The following USH2A variants were observed in gnomAD, a reference collection of about 807,000 sequenced individuals.
USH2A encodes Usher syndrome 2A (autosomal recessive, mild).
In USH2A, 443 loss-of-function variants were observed where a neutral mutation model predicts 538.9. That is an observed-to-expected ratio of 0.82 (90% CI 0.76 to 0.89). The LOEUF (loss-of-function observed/expected upper bound fraction) is 0.89. USH2A is among the 40% of genes least tolerant of loss of function. USH2A has a pLI of 0.00. For synonymous variants in USH2A, 2,413 were observed against 2,273.5 expected, an observed-to-expected ratio of 1.06 and a Z score of -1.75; for missense variants, 6,633 against 6,324.8, an observed-to-expected ratio of 1.05 and a Z score of -1.65.
rs778158900 is a variant in USH2A, at chr1:215,779,930, C to T, written c.10852G>A (p.Gly3618Ser). ...CTGATCTGGTACTCTTTAATGACGC[C>T]GTTTGATTTCTCAGGGACACTCCAG... The part of the protein sequence containing the change: ...LSWSVPEKSN[G>S]VIKEYQIRQV... The change falls in exon 55 of 72, where the codon GGC (glycine) becomes AGC (serine). Residue 3618 changes from glycine (G) to serine (S), a missense_variant. Transcript: ENST00000307340. 8.1e-6 allele frequency: 13 copies of T among 1,613,932 alleles called. No homozygotes were observed. Among genetic ancestry groups the T allele is most frequent in the East Asian group, 4.5e-5 (2 of 44,876 alleles).
chr1:215,698,907 G>A (rs918932535), intron 61 of USH2A, among the ~76,000 whole-genome samples: 1 of 152,166 alleles, frequency 6.6e-6, no homozygotes, highest in African/African-American at 2.4e-5. Flanking sequence ...CCATGCCTAT[G>A]TCCTGAATGG....
At chr1:216,008,657 C>T (rs1571884197) in intron 32 of USH2A, among the ~76,000 whole-genome samples, 1 of 152,150 alleles carries the variant, frequency 6.6e-6, no homozygotes, top group Non-Finnish European at 1.5e-5. Flanking sequence ...ACCTCAGGTC[C>T]TCAGACCCAC....
rs536584679 is a variant in USH2A at position 216,106,183 on chromosome 1, T to C, written c.4628-8970A>G. Among the ~76,000 whole-genome samples the C allele has an allele frequency of 8.1e-5, 12 of 147,556 alleles. No homozygotes were observed. The South Asian group carries it at 2.5e-3, about 31-fold the overall frequency. ...TTTTATATATTTATATATATAAATA[T>C]ATAAGTATATTAAGTATGTATAAGT... On this transcript the variant is annotated intron_variant, in intron 21 of 71. Coordinates refer to ENST00000307340, the MANE Select transcript of USH2A (RefSeq NM_206933.4).
chr1:215,912,499 A>G (rs995926717), intron 38 of USH2A, among the ~76,000 whole-genome samples: 23 of 43,248 alleles, frequency 5.3e-4, no homozygotes, highest in African/African-American at 2.1e-3. Context: ...ATGTGTATAT[A>G]TATATATATA....
chr1:215,879,172 A>G, intron 41 of USH2A, 74 bp from the exon 42 acceptor site: 1 of 1,367,734 alleles, frequency 7.3e-7, no homozygotes, highest in East Asian at 2.3e-5. Context: ...GAGGCCTAGA[A>G]TTTTGCTCTT....
intron 32 of USH2A, among the ~76,000 whole-genome samples, chr1:216,020,504 T>G (rs1571894849): frequency 6.6e-6 from 1 of 152,154 alleles, no homozygotes; most frequent in Non-Finnish European, 1.5e-5. Flanking sequence ...AGATATTTGG[T>G]CTTTGTACCA....
At chr1:215,627,407 TC>T (rs1656072921) in intron 71 of USH2A, among the ~76,000 whole-genome samples, 2 of 100,938 alleles carry the variant, frequency 2.0e-5, no homozygotes, top group African/African-American at 3.8e-5. Context: ...CTTCCTTCCT[TC>T]CTTCCTTCCT....
intron 58 of USH2A, among the ~76,000 whole-genome samples, chr1:215,753,388 A>C (rs1350659169): frequency 6.6e-6 from 1 of 152,192 alleles, no homozygotes; most frequent in African/African-American, 2.4e-5. Context: ...ACTATTCACA[A>C]TAGCAAAGAC....
At chr1:215,814,342 A>G (rs1002229383) in intron 48 of USH2A, among the ~76,000 whole-genome samples, 1 of 148,390 alleles carries the variant, frequency 6.7e-6, no homozygotes, top group Admixed American at 6.7e-5. Context: ...TTAAATATAT[A>G]CATTTTTTAT....
chr1:216,318,894 AG>A (rs2037556007), intron 9 of USH2A, among the ~76,000 whole-genome samples: 1 of 152,160 alleles, frequency 6.6e-6, no homozygotes, highest in South Asian at 2.1e-4. Context: ...TCTATTTTTA[AG>A]GGGAAGCATG....
At chr1:216,347,964 T>A (rs1331464355) in intron 4 of USH2A, among the ~76,000 whole-genome samples, 1 of 152,140 alleles carries the variant, frequency 6.6e-6, no homozygotes, top group Non-Finnish European at 1.5e-5. Flanking sequence ...AAGAGTTAAC[T>A]GCATGGGCTG....
intron 9 of USH2A, among the ~76,000 whole-genome samples, chr1:216,320,769 CT>C (rs1452848457): frequency 6.6e-6 from 1 of 152,042 alleles, no homozygotes; most frequent in African/African-American, 2.4e-5. Flanking sequence ...TTTTATCAGA[CT>C]GTTATATTTT....
intron 61 of USH2A, among the ~76,000 whole-genome samples, chr1:215,713,243 A>G (rs1659389749): frequency 6.6e-6 from 1 of 152,036 alleles, no homozygotes; most frequent in African/African-American, 2.4e-5. Context: ...ACTCACCACT[A>G]TTTACTGAGT....
chr1:215,697,680 C>T (rs1162812989), intron 61 of USH2A, among the ~76,000 whole-genome samples: 2 of 152,090 alleles, frequency 1.3e-5, no homozygotes, highest in South Asian at 2.1e-4. Context: ...TGCCATTACA[C>T]CCAGCTAATT....
intron 4 of USH2A, among the ~76,000 whole-genome samples, chr1:216,345,049 C>T (rs1453768140): frequency 6.6e-6 from 1 of 151,894 alleles, no homozygotes; most frequent in African/African-American, 2.4e-5. Flanking sequence ...AAGATCCCTT[C>T]ATGACAGATC....
chr1:215,675,577 C>T lies in USH2A; in HGVS notation c.12334G>A (p.Gly4112Ser), dbSNP rs147496855. 31 of 1,613,976 alleles carry T rather than the reference C, an allele frequency of 1.9e-5. No individual in the cohort carries two copies. Among genetic ancestry groups the T allele is most frequent in the Non-Finnish European group, 2.5e-5 (30 of 1,180,028 alleles). Residue 4112 changes from glycine to serine, a missense_variant, in exon 63 of 72, where the codon GGT becomes AGT. By Grantham distance (56) the Gly-to-Ser change is moderately conservative (BLOSUM62 0). Coordinates refer to ENST00000307340, the MANE Select transcript of USH2A (RefSeq NM_206933.4). ...IFSDGFLEYSGLNRQFLFRRL... is the reference protein window; with the variant it reads ...IFSDGFLEYSSLNRQFLFRRL... The stretch of plus-strand genomic sequence containing the variant: ...CGGAAGAGAAACTGACGATTCAAAC[C>T]AGAGTACTCCAGGAACCCGTCACTG...
At chr1:215,832,220 A>C (rs918151989) in intron 47 of USH2A, among the ~76,000 whole-genome samples, 2 of 151,890 alleles carry the variant, frequency 1.3e-5, no homozygotes, top group African/African-American at 4.8e-5. Context: ...TTTAAGAAAT[A>C]ATAACACTTT....
chr1:216,135,356 C>G (rs1458919125), intron 21 of USH2A, among the ~76,000 whole-genome samples: 2 of 151,606 alleles, frequency 1.3e-5, no homozygotes, highest in African/African-American at 4.8e-5. Context: ...CAGATACAAG[C>G]TATTATATAA....
intron 37 of USH2A, among the ~76,000 whole-genome samples, chr1:215,936,582 A>AGTT (rs1666504242): frequency 6.6e-6 from 1 of 152,110 alleles, no homozygotes; most frequent in East Asian, 1.9e-4. Flanking sequence ...AGCACATAAT[A>AGTT]GTTGCTCATA....
Sources: gnomAD v4.1 joint callset for allele counts (sites outside exome capture counted in the v4.1 genomes callset) on GRCh38, gnomAD v4.1.1 for gene constraint, MANE v1.5 for transcripts, NCBI Gene and HGNC (gene_info 2026-07-23, HGNC 2026-07-21) for gene names.